The following GLDC variants were observed in gnomAD, a reference collection of about 807,000 sequenced individuals.
The protein encoded by GLDC is glycine decarboxylase.
In GLDC, 104 loss-of-function variants were observed where a neutral mutation model predicts 121.3. The observed-to-expected ratio is 0.86, with a 90% CI of 0.73 to 1.01. GLDC has a LOEUF of 1.01. Ranked by LOEUF, GLDC falls within the 50% of genes least tolerant of loss-of-function variation. The pLI is 0.00. For missense variants in GLDC, 1,429 were observed against 1,306.6 expected, an observed-to-expected ratio of 1.09 and a Z score of -1.44; for synonymous variants, 546 against 480.6, an observed-to-expected ratio of 1.14 and a Z score of -1.78.
intron 5 of GLDC, chr9:6,605,756 A>T (rs1483056597): frequency 8.7e-6 from 2 of 230,738 alleles, no homozygotes; most frequent in East Asian, 2.1e-4. Flanking sequence ...AAGAATGCTC[A>T]ACTTTTACAA....
chr9:6,625,543 C>A (rs896239630), intron 2 of GLDC, among the ~76,000 whole-genome samples: 6 of 152,172 alleles, frequency 3.9e-5, no homozygotes, highest in Non-Finnish European at 5.9e-5. Context: ...CTTCCTCATA[C>A]CCAGCCCCAG....
chr9:6,556,023 A>T, intron 18 of GLDC, 130 bp downstream of exon 18: 2 of 693,748 alleles, frequency 2.9e-6, no homozygotes, highest in South Asian at 3.4e-5. Context: ...GAGATCAACA[A>T]CCACCAGTGG....
chr9:6,621,641 C>A (rs936351882), intron 2 of GLDC, among the ~76,000 whole-genome samples: 1 of 152,154 alleles, frequency 6.6e-6, no homozygotes, highest in South Asian at 2.1e-4. Context: ...CCTCAGCCTC[C>A]TGAGTAGCTG....
chr9:6,633,184 G>A (rs371820835), intron 2 of GLDC, among the ~76,000 whole-genome samples: 1 of 152,112 alleles, frequency 6.6e-6, no homozygotes, highest in African/African-American at 2.4e-5. Context: ...AAGAAAGGTC[G>A]AGAATACGAC....
chr9:6,635,644 G>T (rs1034009212), intron 2 of GLDC, among the ~76,000 whole-genome samples: 1 of 152,042 alleles, frequency 6.6e-6, no homozygotes, highest in African/African-American at 2.4e-5. Context: ...AGACCAAAAT[G>T]AGAGAATCAT....
rs1036363738 is a variant in GLDC, at chr9:6,565,897, A to G, written c.1851-468T>C. 50 of 262,864 alleles carry G rather than the reference A, an allele frequency of 1.9e-4. 1 individual carries two copies. Among genetic ancestry groups the G allele is most frequent in the African/African-American group, 1.1e-3 (47 of 44,746 alleles). The allele number at this position is 262,864 out of a possible 1,614,324, so 16.3% of individuals were successfully genotyped here. A position where few individuals can be genotyped will look rare whatever the true frequency, so the allele number is the denominator to read the frequency against. ...TGAAGCAAACTTCAAACATCCTATCATCAGTTCAAATGTCAATATGCAGCC... is the reference window on the plus strand; with the variant it reads ...TGAAGCAAACTTCAAACATCCTATCGTCAGTTCAAATGTCAATATGCAGCC... On this transcript the variant is annotated intron_variant, in intron 15 of 24. Transcript: ENST00000321612.
intron 2 of GLDC, among the ~76,000 whole-genome samples, chr9:6,626,821 G>A (rs1819249589): frequency 6.6e-6 from 1 of 152,136 alleles, no homozygotes; most frequent in African/African-American, 2.4e-5. Flanking sequence ...CTGCCACTCA[G>A]GCACTGGTCA....
In GLDC at chr9:6,592,275, TG is replaced by T. The variant is rs1283747310; in HGVS notation, c.1402-53del. On this transcript the variant is annotated intron_variant, in intron 10 of 24. Transcript: ENST00000321612. ...ACATCAACTCTAAACTCCACATCAC[TG>T]GAGGAATCCCAAGAGAGGTCAAAGG... 2.7e-6 allele frequency: 3 copies of T among 1,109,798 alleles called. No homozygotes were observed. The African/African-American group carries it at 4.6e-5, about 17-fold the overall frequency. 68.7% of individuals were successfully genotyped at this position (1,109,798 alleles called of 1,614,324 possible). A position where few individuals can be genotyped will look rare whatever the true frequency, so the allele number is the denominator to read the frequency against.
At chr9:6,593,117 A>C in intron 9 of GLDC, 127 bp from the exon 10 acceptor site, 1 of 925,008 alleles carries the variant, frequency 1.1e-6, no homozygotes, top group Non-Finnish European at 1.7e-6. Flanking sequence ...TGCTTTGGTG[A>C]TTGCTTTTTA....
At chr9:6,592,362 C>T (rs1818391790) in intron 10 of GLDC, 139 bp from the exon 11 acceptor site, 3 of 706,572 alleles carry the variant, frequency 4.2e-6, no homozygotes, top group South Asian at 3.0e-5. Flanking sequence ...TATCTCCACG[C>T]TAAGGCTTAG....
intron 2 of GLDC, among the ~76,000 whole-genome samples, chr9:6,632,267 C>T (rs1819399925): frequency 2.6e-5 from 4 of 152,182 alleles, no homozygotes; most frequent in Admixed American, 2.6e-4. Context: ...ATTGTTCTCA[C>T]ATTTGGTTCA....
chr9:6,587,271 T>C lies in GLDC; in HGVS notation c.1720A>G (p.Lys574Glu). The part of the protein sequence containing the change: ...SSSELAPITW[K>E]EFANIHPFVP... ...AAGGGGTGGATGTTTGCAAATTCTT[T>C]CCATGTGATAGGCTGAAAAGAAAGA... The change falls in exon 15 of 25, where the codon AAA becomes GAA. Residue 574 changes from lysine to glutamate, a missense_variant. Physicochemically the swap from Lys to Glu is moderately conservative, Grantham distance 56 (BLOSUM62 1). Coordinates refer to ENST00000321612, the MANE Select transcript of GLDC (RefSeq NM_000170.3). 1 of 1,613,566 alleles carries C rather than the reference T, an allele frequency of 6.2e-7. No homozygotes were observed. Among genetic ancestry groups the C allele is most frequent in the South Asian group, 1.1e-5 (1 of 91,066 alleles).
Position 6,575,131 on chromosome 9 carries a change from G to C in GLDC, c.1851-9702C>G, listed in dbSNP as rs552727490. On this transcript the variant is annotated intron_variant, in intron 15 of 24. Transcript: ENST00000321612. ...TGAGGCAGGAAAATCGCTTGAATTC[G>C]GGAGTCAGAGATTGCAGTGAGCTGA... Among the ~76,000 whole-genome samples the C allele has an allele frequency of 4.0e-5, 6 of 151,602 alleles. No individual in the cohort carries two copies. The South Asian group carries it at 1.0e-3, about 26-fold the overall frequency.
At chr9:6,552,681 C>T (rs1221974637) in intron 20 of GLDC, among the ~76,000 whole-genome samples, 1 of 152,152 alleles carries the variant, frequency 6.6e-6, no homozygotes, top group South Asian at 2.1e-4. Flanking sequence ...GGGGAGACTG[C>T]TCTAATGAGC....
At chr9:6,568,851 G>T (rs1817900580) in intron 15 of GLDC, 1 of 151,732 alleles carries the variant, frequency 6.6e-6, no homozygotes, top group Non-Finnish European at 1.5e-5. Flanking sequence ...TCCACCTCAA[G>T]AAAAAAAAGA....
chr9:6,534,039 C>T lies in GLDC; in HGVS notation c.2919+669G>A, dbSNP rs150152404. The T allele has an allele frequency of 5.9e-3, 899 of 152,226 alleles. 24 individuals carry two copies. In the East Asian group the frequency reaches 0.064, roughly 11 times the overall value. The allele number at this position is 152,226 out of a possible 1,614,324, so 9.4% of individuals were successfully genotyped here. ...CTTCCTGGCTAACACAGTGAAACCC[C>T]GTCTCTACTAAAAATACAAAAAATT... On this transcript the variant is annotated intron_variant, in intron 24 of 24. Coordinates refer to ENST00000321612, the MANE Select transcript of GLDC (RefSeq NM_000170.3).
intron 15 of GLDC, among the ~76,000 whole-genome samples, chr9:6,581,254 G>A (rs1587941747): frequency 6.6e-6 from 1 of 152,230 alleles, no homozygotes; most frequent in African/African-American, 2.4e-5. Context: ...TCGGAGGCAT[G>A]TTCCATCCAG....
At chr9:6,569,524 C>T (rs543596723) in intron 15 of GLDC, among the ~76,000 whole-genome samples, 2 of 152,158 alleles carry the variant, frequency 1.3e-5, no homozygotes, top group Non-Finnish European at 2.9e-5. Flanking sequence ...TGGTGGTGGG[C>T]ACCTTTAGTC....
chr9:6,612,679 T>G lies in GLDC; in HGVS notation c.471-2323A>C, dbSNP rs1253104743. On this transcript the variant is annotated intron_variant, in intron 3 of 24. Transcript: ENST00000321612. Reference sequence around the variant, plus strand: ...GAGTTCGAGACGAGCCTGGCCAATATGGTGAAACCCCGTCTCTACTAAGAA... The same window carrying G: ...GAGTTCGAGACGAGCCTGGCCAATAGGGTGAAACCCCGTCTCTACTAAGAA... Among the ~76,000 whole-genome samples the G allele has an allele frequency of 2.0e-5, 3 of 152,094 alleles. No individual in the cohort carries two copies. In the East Asian group the frequency reaches 5.8e-4, roughly 29 times the overall value.
Sources: allele counts gnomAD v4.1 joint callset (sites outside exome capture counted in the v4.1 genomes callset), GRCh38; gene constraint gnomAD v4.1.1; transcripts MANE v1.5; gene names NCBI Gene and HGNC (gene_info 2026-07-23, HGNC 2026-07-21).